Variants in RFPL2 observed in about 807,000 individuals in gnomAD.
The protein encoded by RFPL2 is ret finger protein like 2.
RFPL2 carries 13 observed loss-of-function variants against 17.8 expected under a neutral mutation model. That is an observed-to-expected ratio of 0.73 (90% CI 0.47 to 1.16). The LOEUF (loss-of-function observed/expected upper bound fraction) is 1.16, where lower values mean the gene tolerates loss of function less well. Among genes scored for constraint, RFPL2 ranks in the 50% most tolerant of loss-of-function variants. The probability of loss-of-function intolerance (pLI) is 0.00; values close to 1 mark genes in which losing one functional copy is unlikely to be tolerated. For missense variants in RFPL2, 431 were observed against 479.3 expected, an observed-to-expected ratio of 0.90 and a Z score of 0.94; for synonymous variants, 189 against 180.9, an observed-to-expected ratio of 1.04 and a Z score of -0.36.
At chr22:32,192,082 G>A (rs1443050921) in intron 4 of RFPL2, among the ~76,000 whole-genome samples, 1 of 152,132 alleles carries the variant, frequency 6.6e-6, no homozygotes, top group African/African-American at 2.4e-5. Flanking sequence ...GGAGGAAGAG[G>A]GTTCCAAACA....
chr22:32,199,208 G>C (rs1170901218), intron 2 of RFPL2, among the ~76,000 whole-genome samples: 3 of 152,106 alleles, frequency 2.0e-5, no homozygotes, highest in African/African-American at 7.2e-5. Flanking sequence ...AGGAGAGAGG[G>C]GAAGGCTGTG....
intron 4 of RFPL2, among the ~76,000 whole-genome samples, chr22:32,191,964 C>CATA: frequency 6.6e-6 from 1 of 151,758 alleles, no homozygotes; most frequent in Middle Eastern, 3.4e-3. Context: ...AGTCAAAAAA[C>CATA]TGATATGATC....
chr22:32,195,693 G>A (rs1306141074), intron 2 of RFPL2, among the ~76,000 whole-genome samples: 1 of 151,780 alleles, frequency 6.6e-6, no homozygotes, highest in Non-Finnish European at 1.5e-5. Flanking sequence ...CCTGACTTCA[G>A]GTAACCCGCC....
rs552090740 is a variant in RFPL2 at position 32,190,845 on chromosome 22, C to A, written c.1064G>T (p.Gly355Val). 21 of 1,574,720 alleles carry A rather than the reference C, an allele frequency of 1.3e-5. No homozygotes were observed. In the African/African-American group the frequency reaches 1.8e-4, roughly 13 times the overall value. Reference protein sequence around the residue: ...APSVPPNGDQGVLSICPLMNS... With the variant: ...APSVPPNGDQVVLSICPLMNS... ...CATCAAAGGACAGATGCTCAAGACACCTTGATCACCATTAGGTGGAACTGA... is the reference window on the plus strand; with the variant it reads ...CATCAAAGGACAGATGCTCAAGACAACTTGATCACCATTAGGTGGAACTGA... Residue 355 changes from glycine (G) to valine (V), a missense_variant, in exon 5 of 5, where the codon GGT becomes GTT. Gly to Val is a moderately radical substitution (Grantham distance 109). Transcript: ENST00000652607.
Position 32,202,326 on chromosome 22 carries a change from C to T in RFPL2, c.119+7G>A, listed in dbSNP as rs1569355540. 5 of 1,587,562 alleles carry T rather than the reference C, an allele frequency of 3.1e-6. No individual in the cohort carries two copies. The East Asian group carries it at 1.1e-4, about 36-fold the overall frequency. On this transcript the variant is annotated splice_region_variant and intron_variant, in intron 2 of 4. Coordinates refer to ENST00000652607, the MANE Select transcript of RFPL2 (RefSeq NM_001394555.1). ...AGCAATGCGGAAAACCCAGAATTGT[C>T]TCTCACCTCAGGCTCCTTATCACCA...
chr22:32,203,000 T>C, intron 1 of RFPL2: 14 of 985,764 alleles, frequency 1.4e-5, no homozygotes, highest in Non-Finnish European at 1.6e-5. Context: ...GGAAATGCTG[T>C]GCGCCCGCCG....
rs16990001 is a variant in RFPL2, at chr22:32,204,928, G to T, written c.-321C>A. 1.3e-5 allele frequency among the ~76,000 whole-genome samples: 2 copies of T among 152,148 alleles called. No homozygotes were observed. Among genetic ancestry groups the T allele is most frequent in the East Asian group, 3.9e-4 (2 of 5,188 alleles). ...CAATCAGAACAAGATAACAAAGCCC[G>T]ATCAGAGTAGGCCTAGAGGTTTCTC... On this transcript the variant is annotated 5_prime_UTR_variant, in exon 1 of 5. Transcript: ENST00000652607.
chr22:32,202,044 C>T (rs549352607), intron 2 of RFPL2, among the ~76,000 whole-genome samples: 11 of 152,304 alleles, frequency 7.2e-5, no homozygotes, highest in African/African-American at 1.9e-4. Context: ...GGGCTCCTTC[C>T]GGGGGCTCTG....
At chr22:32,202,651 C>CA in intron 1 of RFPL2, 101 bp from the exon 2 acceptor site, 1 of 1,399,908 alleles carries the variant, frequency 7.1e-7, no homozygotes, top group Admixed American at 3.0e-5. Context: ...ACCCACACTT[C>CA]AAAGTCCAGC....
chr22:32,191,847 C>T (rs1007206921), intron 4 of RFPL2, among the ~76,000 whole-genome samples: 3 of 151,832 alleles, frequency 2.0e-5, no homozygotes, highest in Non-Finnish European at 4.4e-5. Context: ...ATCTCTGCAG[C>T]TGACGGTGTG....
At position 32,191,349 on chromosome 22, in the gene RFPL2, T is replaced by C. The variant is rs1456845296; in HGVS notation, c.560A>G (p.Asp187Gly). The C allele has an allele frequency of 1.2e-6, 2 of 1,606,746 alleles. No homozygotes were observed. The highest frequency in any genetic ancestry group is 1.7e-6 in the Non-Finnish European group (2 of 1,174,952). ...MNPRMRKFQV[D>G]MTLDANTANN... Reference sequence around the variant, plus strand: ...GGCTGTGTTGGCATCCAAGGTCATATCCACTGTGAAAAGGAAAAAAAGTTG... The same window carrying C: ...GGCTGTGTTGGCATCCAAGGTCATACCCACTGTGAAAAGGAAAAAAAGTTG... Residue 187 changes from aspartate to glycine, a missense_variant, in exon 5 of 5, where the codon GAT becomes GGT. By Grantham distance (94) the Asp-to-Gly change is moderately conservative. Transcript: ENST00000652607.
intron 2 of RFPL2, among the ~76,000 whole-genome samples, chr22:32,198,604 C>T (rs1264678598): frequency 1.3e-5 from 2 of 152,018 alleles, no homozygotes; most frequent in Admixed American, 6.6e-5. Flanking sequence ...CCCTCTCCTT[C>T]CCTGCTCTCC....
rs754864472 is a variant in RFPL2, at chr22:32,191,286, AC to A, written c.622del (p.Val208SerfsTer63). Reference sequence around the variant, plus strand: ...ATTCTGTCTGATGCGCCCACTTCGGACGCTCCTGAGGTCGTCAGAAATGAGG... The same window carrying A: ...ATTCTGTCTGATGCGCCCACTTCGGAGCTCCTGAGGTCGTCAGAAATGAGG... ...FLLISDDLRSVRSGRIRQNRQ... is the reference protein window; with the variant it reads ...FLLISDDLRSXRSGRIRQNRQ... On this transcript the variant is annotated frameshift_variant, in exon 5 of 5. Coordinates refer to ENST00000652607, the MANE Select transcript of RFPL2 (RefSeq NM_001394555.1). LOFTEE classifies it low-confidence loss of function (END_TRUNC). The A allele has an allele frequency of 2.5e-6, 4 of 1,613,866 alleles. No homozygotes were observed. In the Admixed American group the frequency reaches 6.7e-5, roughly 27 times the overall value.
intron 2 of RFPL2, among the ~76,000 whole-genome samples, chr22:32,196,978 T>C (rs1923401406): frequency 1.3e-5 from 2 of 152,264 alleles, no homozygotes; most frequent in African/African-American, 4.8e-5. Context: ...ATTTTTCTGC[T>C]GTAACTTTGT....
chr22:32,192,045 A>G (rs1160321187), intron 4 of RFPL2, among the ~76,000 whole-genome samples: 1 of 152,220 alleles, frequency 6.6e-6, no homozygotes, highest in East Asian at 1.9e-4. Flanking sequence ...GAATTAGGGA[A>G]TGAAATGAAT....
chr22:32,192,396 A>G (rs536178165), intron 4 of RFPL2, among the ~76,000 whole-genome samples: 43 of 152,362 alleles, frequency 2.8e-4, no homozygotes, highest in African/African-American at 9.9e-4. Context: ...ACACTCACAG[A>G]AACAAACACC....
chr22:32,191,965 T>G (rs1178824938), intron 4 of RFPL2, among the ~76,000 whole-genome samples: 3 of 152,036 alleles, frequency 2.0e-5, no homozygotes, highest in Admixed American at 6.5e-5. Context: ...GTCAAAAAAC[T>G]GATATGATCA....
intron 1 of RFPL2, 35 bp from the exon 2 acceptor site, chr22:32,202,585 C>A: frequency 6.9e-7 from 1 of 1,445,386 alleles, no homozygotes; most frequent in South Asian, 1.5e-5. Context: ...CATTAGAGCG[C>A]ACCTTGTCAT....
intron 3 of RFPL2, 124 bp downstream of exon 3, chr22:32,194,221 G>A (rs1044801232): frequency 3.5e-5 from 40 of 1,140,494 alleles, no homozygotes; most frequent in Non-Finnish European, 4.6e-5. Context: ...CCAACTCTGA[G>A]GCAGCACTCA....
Sources: allele counts gnomAD v4.1 joint callset (sites outside exome capture counted in the v4.1 genomes callset), GRCh38; gene constraint gnomAD v4.1.1; transcripts MANE v1.5; gene names NCBI Gene and HGNC (gene_info 2026-07-23, HGNC 2026-07-21).